The following PTPRF variants were observed in gnomAD, a reference collection of about 807,000 sequenced individuals.
PTPRF encodes the protein protein tyrosine phosphatase receptor type F, also known as receptor-type tyrosine-protein phosphatase F.
In PTPRF, 59 loss-of-function variants were observed where a neutral mutation model predicts 201.8. The observed-to-expected ratio is 0.29, with a 90% CI of 0.24 to 0.36. The LOEUF (loss-of-function observed/expected upper bound fraction) is 0.36, where lower values mean the gene tolerates loss of function less well. PTPRF is among the 10% of genes least tolerant of loss of function. The pLI is 1.00. For synonymous variants in PTPRF, 1,088 were observed against 1,089.7 expected (o/e 1.00, Z 0.03); for missense variants, 2,132 against 2,690.5 (o/e 0.79, Z 4.59).
rs935956055 is a variant in PTPRF at position 43,537,341 on chromosome 1, C to A, written c.-125-857C>A. On this transcript the variant is annotated intron_variant, in intron 1 of 33. Transcript: ENST00000359947. The surrounding 1 kb of genome is among the most constrained non-coding windows in gnomAD (Gnocchi z 4.8). ...TTAAAAATTATAGAGTAGAGAAAGTCAAAAATAAATATTGCTTCTGAAGCT... is the reference window on the plus strand; with the variant it reads ...TTAAAAATTATAGAGTAGAGAAAGTAAAAAATAAATATTGCTTCTGAAGCT... Among the ~76,000 whole-genome samples, 1 of 152,190 alleles carries A rather than the reference C, an allele frequency of 6.6e-6. No individual in the cohort carries two copies. Among genetic ancestry groups the A allele is most frequent in the Non-Finnish European group, 1.5e-5 (1 of 68,026 alleles).
rs1163327417 is a variant in PTPRF, at chr1:43,619,503, A to C, written c.4862A>C (p.Tyr1621Ser). Reference protein sequence around the residue: ...GHTEVPARNLYAHIQKLGQVP... With the variant: ...GHTEVPARNLSAHIQKLGQVP... ...ACAGAGGTGCCTGCCCGCAACCTGTATGCCCACATCCAGAAGCTGGGCCAA... is the reference window on the plus strand; with the variant it reads ...ACAGAGGTGCCTGCCCGCAACCTGTCTGCCCACATCCAGAAGCTGGGCCAA... The change falls in exon 28 of 34, where the codon TAT becomes TCT. Residue 1621 changes from tyrosine (Y) to serine (S), a missense_variant. By Grantham distance (144) the Tyr-to-Ser change is moderately radical. Transcript: ENST00000359947. 1 of 1,614,056 alleles carries C rather than the reference A, an allele frequency of 6.2e-7. No homozygotes were observed. Among genetic ancestry groups the C allele is most frequent in the Non-Finnish European group, 8.5e-7 (1 of 1,180,028 alleles).
In PTPRF at chr1:43,554,571, GCT is replaced by G. The variant is rs1645228318; in HGVS notation, c.379+633_379+634del. On this transcript the variant is annotated intron_variant, in intron 5 of 33. Coordinates refer to ENST00000359947, the MANE Select transcript of PTPRF (RefSeq NM_002840.5). The surrounding 1 kb of genome is among the most constrained non-coding windows in gnomAD (Gnocchi z 4.1). Reference sequence around the variant, plus strand: ...CAAGAGAGGATGGAGCTTTCAGAGAGCTCTGAGTAGTTCAATTTGGGTTTTCT... The same window carrying G: ...CAAGAGAGGATGGAGCTTTCAGAGAGCTGAGTAGTTCAATTTGGGTTTTCT... Among the ~76,000 whole-genome samples, 1 of 152,162 alleles carries G rather than the reference GCT, an allele frequency of 6.6e-6. No homozygotes were observed. The highest frequency in any genetic ancestry group is 2.4e-5 in the African/African-American group (1 of 41,430).
rs765844810 is a variant in PTPRF, at chr1:43,591,140, G to A, written c.1118G>A (p.Arg373His). ...GAGGTGGATGGTGTGGCCACCACCC[G>A]CTACAGCATTGGCGGCCTCAGCCCT... ...FQEVDGVATTRYSIGGLSPFS... is the reference protein window; with the variant it reads ...FQEVDGVATTHYSIGGLSPFS... Residue 373 changes from arginine to histidine, a missense_variant, in exon 9 of 34, where the codon CGC (arginine) becomes CAC (histidine). By Grantham distance (29) the Arg-to-His change is conservative. Coordinates refer to ENST00000359947, the MANE Select transcript of PTPRF (RefSeq NM_002840.5). 6.8e-6 allele frequency: 11 copies of A among 1,613,590 alleles called. No homozygotes were observed. The highest frequency in any genetic ancestry group is 2.2e-5 in the South Asian group (2 of 91,088).
chr1:43,571,327 A>G (rs772033505), intron 6 of PTPRF, among the ~76,000 whole-genome samples: 5 of 151,830 alleles, frequency 3.3e-5, no homozygotes, highest in African/African-American at 4.8e-5. Flanking sequence ...CCTTTGCCCT[A>G]TGGACACAGC....
At chr1:43,618,026 C>G in intron 25 of PTPRF, 115 bp downstream of exon 25, 1 of 1,131,932 alleles carries the variant, frequency 8.8e-7, no homozygotes, top group Non-Finnish European at 1.2e-6. Context: ...CAAGTGATCC[C>G]CAGATGCTAT....
At chr1:43,545,738 C>T (rs181672393) in intron 3 of PTPRF, among the ~76,000 whole-genome samples, 1 of 152,276 alleles carries the variant, frequency 6.6e-6, no homozygotes, top group East Asian at 1.9e-4. Context: ...ACCCCAGCTC[C>T]TCAGACCTGG....
chr1:43,583,037 C>T, intron 7 of PTPRF: 1 of 980,998 alleles, frequency 1.0e-6, no homozygotes, highest in Non-Finnish European at 1.2e-6. Context: ...ATTCCCTCCT[C>T]ATCTTCATCG....
rs1240015361 is a variant in PTPRF at position 43,598,086 on chromosome 1, G to A, written c.2119+33G>A. ...GTGCCACCGGGGCGGGAGGGGAGGC[G>A]TTCTGCCTCAGACACCACCCACCAA... On this transcript the variant is annotated intron_variant, in intron 12 of 33. Coordinates refer to ENST00000359947, the MANE Select transcript of PTPRF (RefSeq NM_002840.5). 1.5e-5 allele frequency: 22 copies of A among 1,446,742 alleles called. No homozygotes were observed. The South Asian group carries it at 2.2e-4, about 14-fold the overall frequency. 89.6% of individuals were successfully genotyped at this position (1,446,742 alleles called of 1,614,324 possible). A position where few individuals can be genotyped will look rare whatever the true frequency, so the allele number is the denominator to read the frequency against.
chr1:43,556,349 C>T (rs1645374293), intron 5 of PTPRF, among the ~76,000 whole-genome samples: 1 of 151,244 alleles, frequency 6.6e-6, no homozygotes, highest in Admixed American at 6.6e-5. Flanking sequence ...GCAACCTCCA[C>T]CTCCCGAGTT....
intron 7 of PTPRF, among the ~76,000 whole-genome samples, chr1:43,586,042 C>T (rs1243428427): frequency 1.3e-5 from 2 of 152,164 alleles, no homozygotes; most frequent in Admixed American, 6.5e-5. Flanking sequence ...AGCTAGGGCT[C>T]GAAAGGGTGA....
intron 19 of PTPRF, 26 bp downstream of exon 19, chr1:43,605,648 T>A (rs1034087378): frequency 2.9e-5 from 46 of 1,599,850 alleles, no homozygotes; most frequent in Non-Finnish European, 3.8e-5. Flanking sequence ...ATGGGGACAC[T>A]GACAGCCCCA....
In PTPRF at chr1:43,551,395, C is replaced by G. The variant is rs541964323; in HGVS notation, c.92-2097C>G. On this transcript the variant is annotated intron_variant, in intron 3 of 33. Transcript: ENST00000359947. ...GGCCAACTTTGCAGACAGCTGCAGT[C>G]GGGAGAGCCTGGAGCCTCCTTCAAA... 1.9e-3 allele frequency among the ~76,000 whole-genome samples: 288 copies of G among 152,186 alleles called. 3 individuals carry two copies. Among genetic ancestry groups the G allele is most frequent in the African/African-American group, 6.5e-3 (270 of 41,496 alleles).
chr1:43,527,876 G>A (rs2153943096), upstream of PTPRF, among the ~76,000 whole-genome samples: 1 of 152,362 alleles, frequency 6.6e-6, no homozygotes, highest in African/African-American at 2.4e-5. Flanking sequence ...CTTGGTCAGG[G>A]AGCTGTTCCC....
Position 43,553,358 on chromosome 1 carries a change from A to C in PTPRF, c.92-134A>C. On this transcript the variant is annotated intron_variant, in intron 3 of 33. Coordinates refer to ENST00000359947, the MANE Select transcript of PTPRF (RefSeq NM_002840.5). This position sits in a 1 kb window ranked among gnomAD's most constrained non-coding sequence, Gnocchi z 4.1. ...CTCTGAACAGTGCCTGGCACATACT[A>C]AGCGCTACATAAAGGTGAGGTGTCC... 1 of 981,992 alleles carries C rather than the reference A, an allele frequency of 1.0e-6. No homozygotes were observed. Among genetic ancestry groups the C allele is most frequent in the Non-Finnish European group, 1.5e-6 (1 of 649,360 alleles). The allele number at this position is 981,992 out of a possible 1,614,324, so 60.8% of individuals were successfully genotyped here.
intron 33 of PTPRF, 109 bp downstream of exon 33, chr1:43,621,341 C>A: frequency 1.4e-6 from 2 of 1,427,998 alleles, no homozygotes; most frequent in Non-Finnish European, 1.9e-6. Flanking sequence ...ATTCATGCTG[C>A]CAACCTTTCA....
At chr1:43,536,253 GTCTT>G (rs1643998488) in intron 1 of PTPRF, among the ~76,000 whole-genome samples, 1 of 152,156 alleles carries the variant, frequency 6.6e-6, no homozygotes, top group Non-Finnish European at 1.5e-5. Flanking sequence ...GTGAATCTGA[GTCTT>G]TATTTGGTTG....
At chr1:43,556,886 G>A (rs6687669) in intron 5 of PTPRF, among the ~76,000 whole-genome samples, 1 of 152,224 alleles carries the variant, frequency 6.6e-6, no homozygotes, top group Non-Finnish European at 1.5e-5. Context: ...GGGTGATGCA[G>A]CTCCACTGCC....
chr1:43,570,284 G>A (rs549835301), intron 6 of PTPRF, among the ~76,000 whole-genome samples: 3 of 152,334 alleles, frequency 2.0e-5, no homozygotes, highest in African/African-American at 4.8e-5. Context: ...GGATGTCTCC[G>A]TCGAGCCAGC....
In PTPRF at chr1:43,605,366, G is replaced by A. The variant is rs149446507; in HGVS notation, c.3312G>A (p.Pro1104=). The change falls in exon 18 of 34, where the codon CCG becomes CCA. Residue 1104 remains proline, a synonymous_variant. Coordinates refer to ENST00000359947, the MANE Select transcript of PTPRF (RefSeq NM_002840.5). Reference sequence around the variant, plus strand: ...CCCCCGACCTCCTGCCTCACAAGCCGCTGCCTGCCTCTGCCTACATAGAGG... The same window carrying A: ...CCCCCGACCTCCTGCCTCACAAGCCACTGCCTGCCTCTGCCTACATAGAGG... ...RTAPDLLPHK[P]LPASAYIEDG... is the part of the protein sequence containing the mutation. 1.4e-4 allele frequency: 222 copies of A among 1,613,886 alleles called. 1 individual carries two copies. The highest frequency in any genetic ancestry group is 1.2e-3 in the Admixed American group (70 of 60,016).
Sources: gnomAD v4.1 joint callset for allele counts (sites outside exome capture counted in the v4.1 genomes callset) on GRCh38, gnomAD v4.1.1 for gene constraint, Gnocchi (gnomAD v3.1) non-coding constraint, MANE v1.5 for transcripts, NCBI Gene and HGNC (gene_info 2026-07-23, HGNC 2026-07-21) for gene names.